Variants in RGS9 observed in about 807,000 individuals in gnomAD.
RGS9 encodes regulator of G-protein signalling 9.
RGS9 carries 78 observed loss-of-function variants against 102.0 expected under a neutral mutation model. That is an observed-to-expected ratio of 0.76 (90% CI 0.64 to 0.92). The LOEUF (loss-of-function observed/expected upper bound fraction) is 0.92. RGS9 is among the 40% of genes least tolerant of loss of function. The pLI is 0.00. For missense variants in RGS9, 833 were observed against 866.1 expected (o/e 0.96, Z 0.48); for synonymous variants, 353 against 318.6 (o/e 1.11, Z -1.15).
At chr17:65,223,144 C>A (rs1347493950) in intron 17 of RGS9, among the ~76,000 whole-genome samples, 6 of 152,174 alleles carry the variant, frequency 3.9e-5, no homozygotes, top group Non-Finnish European at 7.3e-5. Context: ...GTAATAATTG[C>A]AATTATAATA....
intron 1 of RGS9, among the ~76,000 whole-genome samples, chr17:65,146,294 T>A (rs554068714): frequency 1.4e-4 from 21 of 152,278 alleles, no homozygotes; most frequent in Non-Finnish European, 2.4e-4. Context: ...TGGGCCCTCA[T>A]ATTAGAAAAT....
At chr17:65,210,868 C>A (rs988339933) in intron 17 of RGS9, among the ~76,000 whole-genome samples, 1 of 152,034 alleles carries the variant, frequency 6.6e-6, no homozygotes, top group Admixed American at 6.5e-5. Flanking sequence ...ACAGGGTGGG[C>A]GAAGGCGGTG....
intron 9 of RGS9, among the ~76,000 whole-genome samples, chr17:65,183,099 TCTATCTATCTAC>T (rs1052991252): frequency 2.3e-4 from 34 of 151,094 alleles, no homozygotes; most frequent in Middle Eastern, 3.4e-3. Flanking sequence ...TATCTATCTA[TCTATCTATCTAC>T]CTACCTACCT....
intron 1 of RGS9, among the ~76,000 whole-genome samples, chr17:65,143,780 C>G (rs1555610578): frequency 7.1e-6 from 1 of 140,682 alleles, no homozygotes; most frequent in Non-Finnish European, 1.5e-5. Flanking sequence ...GGCGACAGAG[C>G]CAGACTCTGT....
intron 12 of RGS9, 151 bp downstream of exon 12, chr17:65,193,807 A>C: frequency 1.6e-6 from 1 of 642,580 alleles, no homozygotes; most frequent in South Asian, 1.8e-5. Flanking sequence ...TCATTACACA[A>C]AAAAGAAACC....
chr17:65,194,520 G>A (rs1912508027), intron 12 of RGS9, among the ~76,000 whole-genome samples: 1 of 152,166 alleles, frequency 6.6e-6, no homozygotes, highest in Non-Finnish European at 1.5e-5. Flanking sequence ...TATCTAATTA[G>A]CGTAAACTTA....
chr17:65,174,520 T>C lies in RGS9; in HGVS notation c.583-3212T>C, dbSNP rs114196348. 5.6e-3 allele frequency among the ~76,000 whole-genome samples: 851 copies of C among 152,112 alleles called. 9 individuals are homozygous for C. The highest frequency in any genetic ancestry group is 0.018 in the African/African-American group (762 of 41,460). On this transcript the variant is annotated intron_variant, in intron 8 of 18. Coordinates refer to ENST00000262406, the MANE Select transcript of RGS9 (RefSeq NM_003835.4). Reference sequence around the variant, plus strand: ...GTGCATGTATGTGAGAATATGTATGTATGTGTGAGAGTGTGTAGATGTGTA... The same window carrying C: ...GTGCATGTATGTGAGAATATGTATGCATGTGTGAGAGTGTGTAGATGTGTA...
In RGS9 at chr17:65,211,359, T is replaced by C. The variant is rs529013876; in HGVS notation, c.1407+754T>C. 3.3e-5 allele frequency among the ~76,000 whole-genome samples: 5 copies of C among 152,314 alleles called. No homozygotes were observed. In the South Asian group the frequency reaches 1.0e-3, roughly 32 times the overall value. On this transcript the variant is annotated intron_variant, in intron 17 of 18. Transcript: ENST00000262406. ...TCTTCTTCCCATCTCCCCATCCCCTTGTCCATGCTGGGGAAATAAGCGGCT... is the reference window on the plus strand; with the variant it reads ...TCTTCTTCCCATCTCCCCATCCCCTCGTCCATGCTGGGGAAATAAGCGGCT...
At chr17:65,144,762 C>T (rs1217691030) in intron 1 of RGS9, among the ~76,000 whole-genome samples, 1 of 152,194 alleles carries the variant, frequency 6.6e-6, no homozygotes, top group Non-Finnish European at 1.5e-5. Context: ...TCTCTCCCCT[C>T]TGTGCAGGGG....
intron 9 of RGS9, 41 bp downstream of exon 9, chr17:65,177,844 A>C (rs778961917): frequency 6.5e-7 from 1 of 1,537,396 alleles, no homozygotes; most frequent in Non-Finnish European, 9.0e-7. Flanking sequence ...CCTAGGTCGG[A>C]TTCTGGGGCT....
intron 2 of RGS9, among the ~76,000 whole-genome samples, chr17:65,157,266 A>G (rs1239125441): frequency 1.3e-5 from 2 of 152,110 alleles, no homozygotes; most frequent in Non-Finnish European, 2.9e-5. Context: ...TGGCATCTGC[A>G]CGATGGTATC....
At chr17:65,196,855 G>T (rs906732726) in intron 12 of RGS9, among the ~76,000 whole-genome samples, 7 of 152,220 alleles carry the variant, frequency 4.6e-5, no homozygotes, top group African/African-American at 1.7e-4. Flanking sequence ...TGTCCTTAAG[G>T]TTAAGTGAGC....
At chr17:65,194,055 C>T (rs563427408) in intron 12 of RGS9, among the ~76,000 whole-genome samples, 5 of 152,300 alleles carry the variant, frequency 3.3e-5, no homozygotes, top group African/African-American at 9.6e-5. Flanking sequence ...AAGTATGTCA[C>T]TAAATCGATA....
Position 65,166,811 on chromosome 17 carries a change from G to A in RGS9, c.501-1389G>A, listed in dbSNP as rs1911201608. Reference sequence around the variant, plus strand: ...AGGTCAGGGGCTAGTTAATGTGGTAGAAAATCCAGTTAGGCTGTCAGGGGG... The same window carrying A: ...AGGTCAGGGGCTAGTTAATGTGGTAAAAAATCCAGTTAGGCTGTCAGGGGG... On this transcript the variant is annotated intron_variant, in intron 7 of 18. Coordinates refer to ENST00000262406, the MANE Select transcript of RGS9 (RefSeq NM_003835.4). Among the ~76,000 whole-genome samples the A allele has an allele frequency of 2.0e-5, 3 of 152,316 alleles. No individual in the cohort carries two copies. The South Asian group carries it at 6.2e-4, about 32-fold the overall frequency.
At chr17:65,183,401 ATG>A (rs1911976508) in intron 9 of RGS9, among the ~76,000 whole-genome samples, 1 of 152,042 alleles carries the variant, frequency 6.6e-6, no homozygotes, top group South Asian at 2.1e-4. Context: ...AGGATTACAG[ATG>A]TGAGCCACCA....
intron 12 of RGS9, among the ~76,000 whole-genome samples, chr17:65,194,254 C>G (rs1442986497): frequency 6.6e-6 from 1 of 152,210 alleles, no homozygotes; most frequent in Non-Finnish European, 1.5e-5. Flanking sequence ...ATGGTTGAAT[C>G]ATCTTCATGG....
rs1269531099 is a variant in RGS9 at position 65,207,995 on chromosome 17, C to A, written c.1277C>A (p.Thr426Asn). 6.2e-7 allele frequency: 1 copy of A among 1,611,462 alleles called. No individual in the cohort carries two copies. The highest frequency in any genetic ancestry group is 8.5e-7 in the Non-Finnish European group (1 of 1,177,796). Residue 426 changes from threonine to asparagine, a missense_variant, in exon 16 of 19, where the codon ACC becomes AAC. This residue lies in a region of RGS9 where 185 missense variants were observed against 248.7 expected (regional missense o/e 0.74). Coordinates refer to ENST00000262406, the MANE Select transcript of RGS9 (RefSeq NM_003835.4). Reference protein sequence around the residue: ...MLAKAIEPQETTKKSSTLPFM... With the variant: ...MLAKAIEPQENTKKSSTLPFM... ...GCCAAAGCTATTGAACCTCAGGAAA[C>A]CACCAAGAAAAGGCAAGTGGAATTA...
chr17:65,153,764 C>A (rs1910672036), intron 2 of RGS9, among the ~76,000 whole-genome samples: 1 of 152,090 alleles, frequency 6.6e-6, no homozygotes, highest in Non-Finnish European at 1.5e-5. Context: ...GTGGCAGGTG[C>A]CTATAGTCCC....
At chr17:65,176,825 C>G (rs1047989726) in intron 8 of RGS9, among the ~76,000 whole-genome samples, 1 of 151,422 alleles carries the variant, frequency 6.6e-6, no homozygotes, top group East Asian at 2.0e-4. Context: ...ACCCATTCAT[C>G]CATGCATCCA....
Sources: gnomAD v4.1 joint callset for allele counts (sites outside exome capture counted in the v4.1 genomes callset) on GRCh38, gnomAD v4.1.1 for gene constraint, gnomAD v4.1.1 regional missense constraint, MANE v1.5 for transcripts, NCBI Gene and HGNC (gene_info 2026-07-23, HGNC 2026-07-21) for gene names.